Variants in WNT7B observed in about 807,000 individuals in gnomAD.
The protein encoded by WNT7B is protein Wnt-7b.
WNT7B carries 19 observed loss-of-function variants against 38.2 expected under a neutral mutation model. The ratio of observed to expected loss-of-function variants is 0.50; its 90% CI spans 0.35 to 0.73. WNT7B has a LOEUF of 0.73. WNT7B is among the 30% of genes least tolerant of loss of function. WNT7B has a pLI of 0.01. For synonymous variants in WNT7B, 243 were observed against 209.3 expected, an observed-to-expected ratio of 1.16 and a Z score of -1.39; for missense variants, 423 against 507.9, an observed-to-expected ratio of 0.83 and a Z score of 1.61.
At chr22:45,952,050 A>G (rs1931945758) in intron 1 of WNT7B, among the ~76,000 whole-genome samples, 1 of 152,154 alleles carries the variant, frequency 6.6e-6, no homozygotes. Flanking sequence ...CCCGCAGGCA[A>G]CAGTGGGTTT....
At chr22:45,928,457 G>A (rs1931165590) in intron 3 of WNT7B, among the ~76,000 whole-genome samples, 1 of 152,174 alleles carries the variant, frequency 6.6e-6, no homozygotes, top group East Asian at 1.9e-4. Flanking sequence ...TGCAGATGAG[G>A]AGGTCAAGGC....
At chr22:45,956,834 G>A (rs1035588986) in intron 1 of WNT7B, among the ~76,000 whole-genome samples, 13 of 152,272 alleles carry the variant, frequency 8.5e-5, no homozygotes, top group South Asian at 4.1e-4. Flanking sequence ...CCGGCCAGGC[G>A]CGGTGGCTCA....
At chr22:45,960,591 C>T (rs1018736203) in intron 1 of WNT7B, among the ~76,000 whole-genome samples, 6 of 152,354 alleles carry the variant, frequency 3.9e-5, no homozygotes, top group African/African-American at 1.2e-4. Flanking sequence ...GGCTGCCGGG[C>T]GGCCCTGGGC....
chr22:45,962,787 G>T (rs1476563532), intron 1 of WNT7B, among the ~76,000 whole-genome samples: 2 of 152,252 alleles, frequency 1.3e-5, no homozygotes, highest in African/African-American at 4.8e-5. Flanking sequence ...TGATGCCACA[G>T]ATCTGTTGGA....
chr22:45,951,977 G>C lies in WNT7B; in HGVS notation c.72-1831C>G, dbSNP rs1027514123. ...CCACAGCGGCTGCCCCAGTCATCTG[G>C]CTTTAAGCACCCATGGAAGGGGCAG... On this transcript the variant is annotated intron_variant, in intron 1 of 3. Coordinates refer to ENST00000339464, the MANE Select transcript of WNT7B (RefSeq NM_058238.3). The surrounding 1 kb of genome is among the most constrained non-coding windows in gnomAD (Gnocchi z 4.8). Among the ~76,000 whole-genome samples the C allele has an allele frequency of 6.6e-6, 1 of 152,206 alleles. No individual in the cohort carries two copies. Among genetic ancestry groups the C allele is most frequent in the Non-Finnish European group, 1.5e-5 (1 of 68,040 alleles).
rs557645616 is a variant in WNT7B, at chr22:45,953,817, G to A, written c.72-3671C>T. Among the ~76,000 whole-genome samples, 5 of 152,230 alleles carry A rather than the reference G, an allele frequency of 3.3e-5. No individual in the cohort carries two copies. The South Asian group carries it at 1.0e-3, about 32-fold the overall frequency. On this transcript the variant is annotated intron_variant, in intron 1 of 3. Transcript: ENST00000339464. ...TGAAACCCTCACACATTGACGATAG[G>A]AGCGGACAATGGTATAGCCACTGTA...
At chr22:45,930,065 G>C (rs977356409) in intron 3 of WNT7B, among the ~76,000 whole-genome samples, 1 of 147,844 alleles carries the variant, frequency 6.8e-6, no homozygotes, top group Non-Finnish European at 1.5e-5. Flanking sequence ...GATCTCTTCT[G>C]TGCCAGGCCC....
intron 2 of WNT7B, among the ~76,000 whole-genome samples, chr22:45,948,122 G>T (rs1264072325): frequency 2.0e-5 from 3 of 152,208 alleles, no homozygotes; most frequent in African/African-American, 7.2e-5. Flanking sequence ...ACACCTGATC[G>T]ACGCTCAGCT....
At chr22:45,959,918 A>AC (rs1244147623) in intron 1 of WNT7B, among the ~76,000 whole-genome samples, 1 of 150,862 alleles carries the variant, frequency 6.6e-6, no homozygotes, top group African/African-American at 2.4e-5. Context: ...AGCATCCCAG[A>AC]CCCCCCAGAG....
intron 3 of WNT7B, among the ~76,000 whole-genome samples, chr22:45,929,906 A>T (rs1394058751): frequency 2.0e-5 from 3 of 150,712 alleles, no homozygotes; most frequent in African/African-American, 7.4e-5. Context: ...TCATCTATCT[A>T]CCCATCCATC....
At chr22:45,948,194 C>T (rs1034652096) in intron 2 of WNT7B, among the ~76,000 whole-genome samples, 5 of 152,218 alleles carry the variant, frequency 3.3e-5, no homozygotes, top group African/African-American at 4.8e-5. Flanking sequence ...CCTCTGAGCC[C>T]GCCAGCTCAG....
At chr22:45,959,409 G>A (rs1186689991) in intron 1 of WNT7B, among the ~76,000 whole-genome samples, 3 of 152,176 alleles carry the variant, frequency 2.0e-5, no homozygotes, top group Non-Finnish European at 2.9e-5. Context: ...TGAGGATTAT[G>A]AGGGTGAAAC....
chr22:45,931,774 TCCTCCCCTCTGCCAG>T lies in WNT7B; in HGVS notation c.299-420_299-406del, dbSNP rs1360497153. 3.3e-5 allele frequency among the ~76,000 whole-genome samples: 5 copies of T among 152,180 alleles called. No individual in the cohort carries two copies. The East Asian group carries it at 9.7e-4, about 29-fold the overall frequency. ...GGGGGATGGGTGTCCATGCCTCTGC[TCCTCCCCTCTGCCAG>T]CCTCCCAGGAGCCCCTCCTCATGAA... is the stretch of plus-strand genomic sequence containing the variant. On this transcript the variant is annotated intron_variant, in intron 2 of 3. Transcript: ENST00000339464.
chr22:45,973,335 T>A (rs1932491759), intron 1 of WNT7B, among the ~76,000 whole-genome samples: 1 of 152,160 alleles, frequency 6.6e-6, no homozygotes, highest in Non-Finnish European at 1.5e-5. Context: ...TCCCTTTACA[T>A]CTGAATCACA....
At chr22:45,945,567 T>G (rs1931774927) in intron 2 of WNT7B, among the ~76,000 whole-genome samples, 2 of 152,316 alleles carry the variant, frequency 1.3e-5, no homozygotes, top group East Asian at 3.9e-4. Context: ...TTACAAACAC[T>G]TCCCTGCCAG....
At position 45,975,662 on chromosome 22, in the gene WNT7B, C is replaced by A. The variant is rs1051681197; in HGVS notation, c.71+1022G>T. 28 of 696,786 alleles carry A rather than the reference C, an allele frequency of 4.0e-5. No homozygotes were observed. The highest frequency in any genetic ancestry group is 6.4e-5 in the Non-Finnish European group (24 of 373,458). 43.2% of individuals were successfully genotyped at this position (696,786 alleles called of 1,614,324 possible). On this transcript the variant is annotated intron_variant, in intron 1 of 3. Transcript: ENST00000339464. This position sits in a 1 kb window ranked among gnomAD's most constrained non-coding sequence, Gnocchi z 6.6. ...CCCACCAGTGGTACCTGCACCTGCC[C>A]CTCCCGCGGGTCTGTTCACCGCCTT...
At chr22:45,946,031 G>C (rs946033046) in intron 2 of WNT7B, among the ~76,000 whole-genome samples, 28 of 151,654 alleles carry the variant, frequency 1.8e-4, no homozygotes, top group African/African-American at 5.8e-4. Flanking sequence ...GCTGCCCCAG[G>C]CCCAGGCCCG....
At chr22:45,929,487 TCCACCCAC>T (rs368933414) in intron 3 of WNT7B, among the ~76,000 whole-genome samples, 186 of 142,840 alleles carry the variant, frequency 1.3e-3, no homozygotes, top group South Asian at 2.3e-3. Context: ...CATCTGTACA[TCCACCCAC>T]CCACCCACCC....
At chr22:45,941,544 C>T (rs1236215308) in intron 2 of WNT7B, among the ~76,000 whole-genome samples, 1 of 150,184 alleles carries the variant, frequency 6.7e-6, no homozygotes, top group African/African-American at 2.5e-5. Context: ...GCAGACTCTT[C>T]TGCAGTGAGG....
Sources: gnomAD v4.1 joint callset for allele counts (sites outside exome capture counted in the v4.1 genomes callset) on GRCh38, gnomAD v4.1.1 for gene constraint, Gnocchi (gnomAD v3.1) non-coding constraint, MANE v1.5 for transcripts, NCBI Gene and HGNC (gene_info 2026-07-23, HGNC 2026-07-21) for gene names.